Variants in CCSER1 observed in about 807,000 individuals in gnomAD.
The protein encoded by CCSER1 is serine-rich coiled-coil domain-containing protein 1.
Under a neutral mutation model 82.0 loss-of-function variants are expected in CCSER1, and 41 were observed. That is an observed-to-expected ratio of 0.50 (90% CI 0.39 to 0.65). CCSER1 has a LOEUF of 0.65. Among genes scored for constraint, CCSER1 ranks in the 30% least tolerant of loss-of-function variants. The pLI is 0.00. For missense variants in CCSER1, 1,119 were observed against 1,064.2 expected, an observed-to-expected ratio of 1.05 and a Z score of -0.72; for synonymous variants, 414 against 383.9, an observed-to-expected ratio of 1.08 and a Z score of -0.92.
At chr4:90,163,281 G>A (rs1014951077) in intron 1 of CCSER1, among the ~76,000 whole-genome samples, 2 of 151,880 alleles carry the variant, frequency 1.3e-5, no homozygotes, top group Non-Finnish European at 1.5e-5. Context: ...TAAATGTTTC[G>A]TAATACCTAT....
chr4:90,634,562 T>A (rs56394533), intron 6 of CCSER1, among the ~76,000 whole-genome samples: 13,413 of 151,790 alleles, frequency 0.088, 1,637 homozygotes, highest in African/African-American at 0.28. Context: ...ATTTCAGTAA[T>A]TGATTCAAAG....
intron 5 of CCSER1, among the ~76,000 whole-genome samples, chr4:90,531,199 T>C (rs1450391369): frequency 6.6e-6 from 1 of 151,774 alleles, no homozygotes; most frequent in Non-Finnish European, 1.5e-5. Flanking sequence ...CAGTAGAAAA[T>C]GAAAAACATA....
intron 10 of CCSER1, among the ~76,000 whole-genome samples, chr4:91,423,225 A>C (rs1006807056): frequency 6.6e-6 from 1 of 152,080 alleles, no homozygotes; most frequent in South Asian, 2.1e-4. Flanking sequence ...CAGGAGTTCA[A>C]GACCAGCGTG....
chr4:91,051,951 A>T (rs1041915063), intron 9 of CCSER1, among the ~76,000 whole-genome samples: 5 of 152,132 alleles, frequency 3.3e-5, no homozygotes, highest in Admixed American at 6.6e-5. Context: ...ATACTTAAAA[A>T]TCTACCACAG....
In CCSER1 at chr4:91,387,311, C is replaced by G. The variant is rs1751361031; in HGVS notation, c.2218-211261C>G. Among the ~76,000 whole-genome samples, 6 of 151,694 alleles carry G rather than the reference C, an allele frequency of 4.0e-5. No homozygotes were observed. The South Asian group carries it at 1.2e-3, about 32-fold the overall frequency. On this transcript the variant is annotated intron_variant, in intron 10 of 10. Coordinates refer to ENST00000509176, the MANE Select transcript of CCSER1 (RefSeq NM_001145065.2). ...ATCTCAGTAAGACTACATGTTTTTC[C>G]TTGATTTTGCAACTTTTCTGAAAGC...
chr4:91,191,985 T>C (rs905403700), intron 10 of CCSER1, among the ~76,000 whole-genome samples: 1 of 152,220 alleles, frequency 6.6e-6, no homozygotes, highest in African/African-American at 2.4e-5. Flanking sequence ...CTGTTCTGCC[T>C]TTAACTTGGT....
intron 10 of CCSER1, among the ~76,000 whole-genome samples, chr4:91,510,280 A>G (rs761537536): frequency 6.6e-6 from 1 of 152,068 alleles, no homozygotes; most frequent in Non-Finnish European, 1.5e-5. Flanking sequence ...TCGATTCCCT[A>G]TCTTTGCTAT....
chr4:90,923,409 G>C lies in CCSER1; in HGVS notation c.2134G>C (p.Val712Leu). 3 of 1,551,448 alleles carry C rather than the reference G, an allele frequency of 1.9e-6. No homozygotes were observed. Among genetic ancestry groups the C allele is most frequent in the Non-Finnish European group, 2.6e-6 (3 of 1,146,812 alleles). ...RHLQKAFASR[V>L]DKSTQTELLC... ...TTTACAGAAGGCTTTTGCTTCAAGA[G>C]TAGATAAATCCACACAGACTGAACT... Residue 712 changes from valine to leucine, a missense_variant, in exon 9 of 11, where the codon GTA (valine) becomes CTA (leucine). Val to Leu is a conservative substitution (Grantham distance 32, BLOSUM62 1). Transcript: ENST00000509176.
At chr4:90,607,325 A>C (rs934371152) in intron 5 of CCSER1, among the ~76,000 whole-genome samples, 1 of 152,156 alleles carries the variant, frequency 6.6e-6, no homozygotes, top group Non-Finnish European at 1.5e-5. Context: ...ACTAAATATA[A>C]AAACTTTAAG....
intron 10 of CCSER1, among the ~76,000 whole-genome samples, chr4:91,409,744 T>A (rs1752917872): frequency 6.6e-6 from 1 of 152,142 alleles, no homozygotes; most frequent in African/African-American, 2.4e-5. Flanking sequence ...TGGAATGCAG[T>A]GGCACTCAGC....
chr4:90,204,799 A>G (rs993993770), intron 1 of CCSER1, among the ~76,000 whole-genome samples: 5 of 152,320 alleles, frequency 3.3e-5, no homozygotes, highest in South Asian at 4.1e-4. Flanking sequence ...GGCCATTTTC[A>G]TGATATTGAT....
intron 10 of CCSER1, among the ~76,000 whole-genome samples, chr4:91,189,133 A>G (rs934917556): frequency 2.0e-5 from 3 of 152,158 alleles, no homozygotes; most frequent in African/African-American, 7.2e-5. Flanking sequence ...TTTTAAAGAA[A>G]GTAAACATTT....
rs575710543 is a variant in CCSER1, at chr4:90,773,030, C to T, written c.2011-42732C>T. Among the ~76,000 whole-genome samples the T allele has an allele frequency of 1.6e-3, 242 of 152,136 alleles. 1 individual carries two copies. The highest frequency in any genetic ancestry group is 5.7e-3 in the African/African-American group (235 of 41,498). On this transcript the variant is annotated intron_variant, in intron 7 of 10. Coordinates refer to ENST00000509176, the MANE Select transcript of CCSER1 (RefSeq NM_001145065.2). ...CCAAGGCGGGCGGATCACCTGAGGT[C>T]GGGAGTTCGAGACCAGCCTGACCAA...
intron 10 of CCSER1, among the ~76,000 whole-genome samples, chr4:91,348,111 T>A (rs2141397): frequency 0.22 from 34,096 of 151,968 alleles, 4,463 homozygotes; most frequent in Middle Eastern, 0.39. Flanking sequence ...TAGCTGTAAG[T>A]GTTTATAGAT....
chr4:91,468,874 C>T (rs992588435), intron 10 of CCSER1, among the ~76,000 whole-genome samples: 5 of 152,022 alleles, frequency 3.3e-5, no homozygotes, highest in Non-Finnish European at 7.4e-5. Flanking sequence ...ACTCATGTCT[C>T]ATTGGTGATA....
intron 2 of CCSER1, 38 bp downstream of exon 2, chr4:90,309,646 T>G: frequency 3.5e-6 from 5 of 1,418,886 alleles, no homozygotes; most frequent in Non-Finnish European, 3.8e-6. Context: ...TGATATGAAT[T>G]AATTTTCATT....
At chr4:90,386,430 A>G (rs1337757213) in intron 3 of CCSER1, among the ~76,000 whole-genome samples, 1 of 150,188 alleles carries the variant, frequency 6.7e-6, no homozygotes, top group Non-Finnish European at 1.5e-5. Context: ...TGGTGCTGGG[A>G]CAATTGGAGA....
At chr4:91,095,109 G>A (rs895219608) in intron 10 of CCSER1, among the ~76,000 whole-genome samples, 3 of 152,136 alleles carry the variant, frequency 2.0e-5, no homozygotes, top group Admixed American at 6.5e-5. Context: ...AGTATCAACC[G>A]AAAACTTAAT....
chr4:90,723,340 A>G (rs966953064), intron 6 of CCSER1, among the ~76,000 whole-genome samples: 7 of 151,942 alleles, frequency 4.6e-5, no homozygotes, highest in African/African-American at 1.7e-4. Flanking sequence ...ATTTGTGTAA[A>G]TCTTTTATCC....
Sources: allele counts gnomAD v4.1 joint callset (sites outside exome capture counted in the v4.1 genomes callset), GRCh38; gene constraint gnomAD v4.1.1; transcripts MANE v1.5; gene names NCBI Gene and HGNC (gene_info 2026-07-23, HGNC 2026-07-21).